Variants in CADPS observed in about 807,000 individuals in gnomAD.
CADPS encodes the protein calcium-dependent secretion activator 1.
A neutral mutation model predicts 167.3 loss-of-function variants in CADPS; 57 were observed. The ratio of observed to expected loss-of-function variants is 0.34; its 90% CI spans 0.28 to 0.42. The LOEUF (loss-of-function observed/expected upper bound fraction) is 0.42, where lower values mean the gene tolerates loss of function less well. Among genes scored for constraint, CADPS ranks in the 20% least tolerant of loss-of-function variants. The pLI is 1.00. For missense variants in CADPS, 1,414 were observed against 1,738.1 expected (o/e 0.81, Z 3.32); for synonymous variants, 676 against 635.3 (o/e 1.06, Z -0.96).
At chr3:62,451,403 T>C (rs2058030359) in intron 26 of CADPS, among the ~76,000 whole-genome samples, 2 of 151,890 alleles carry the variant, frequency 1.3e-5, no homozygotes, top group Admixed American at 6.6e-5. Flanking sequence ...TTTTGCTTCA[T>C]TAGGGGAAAA....
chr3:62,853,166 A>T (rs1353583431), intron 1 of CADPS, among the ~76,000 whole-genome samples: 1 of 152,182 alleles, frequency 6.6e-6, no homozygotes, highest in East Asian at 1.9e-4. Context: ...GATCAATACC[A>T]CTTTTATCAT....
At chr3:62,648,226 G>A (rs199526912) in intron 5 of CADPS, among the ~76,000 whole-genome samples, 3 of 152,184 alleles carry the variant, frequency 2.0e-5, no homozygotes, top group East Asian at 3.9e-4. Context: ...GCAATTCAGT[G>A]TTCTATTTAA....
intron 11 of CADPS, among the ~76,000 whole-genome samples, chr3:62,542,565 C>T (rs906536356): frequency 2.0e-5 from 3 of 152,092 alleles, no homozygotes; most frequent in Admixed American, 6.6e-5. Flanking sequence ...GACTGGTCCT[C>T]ACATGCCTGC....
chr3:62,629,274 G>A (rs915113154), intron 6 of CADPS, among the ~76,000 whole-genome samples: 1 of 152,094 alleles, frequency 6.6e-6, no homozygotes, highest in South Asian at 2.1e-4. Context: ...GTGTCTGTTT[G>A]TAGTCAACCA....
intron 1 of CADPS, among the ~76,000 whole-genome samples, chr3:62,776,435 A>T (rs567034927): frequency 1.3e-5 from 2 of 152,318 alleles, no homozygotes; most frequent in African/African-American, 4.8e-5. Flanking sequence ...CAGGCGGATC[A>T]CGAGGTCAGG....
chr3:62,490,960 T>C (rs540587437), intron 21 of CADPS, among the ~76,000 whole-genome samples: 1 of 152,184 alleles, frequency 6.6e-6, no homozygotes, highest in African/African-American at 2.4e-5. Flanking sequence ...AAAAGTTTGC[T>C]GACCTCCCTG....
intron 1 of CADPS, among the ~76,000 whole-genome samples, chr3:62,807,487 C>G (rs2094161308): frequency 1.3e-5 from 2 of 152,048 alleles, no homozygotes; most frequent in Admixed American, 1.3e-4. Flanking sequence ...GTCTCACACT[C>G]AGGAGTTCAA....
chr3:62,737,625 C>G (rs986862810), intron 3 of CADPS, among the ~76,000 whole-genome samples: 7 of 152,164 alleles, frequency 4.6e-5, no homozygotes, highest in African/African-American at 1.7e-4. Context: ...GGAGTAAATC[C>G]AAGCTCTGAG....
chr3:62,674,100 C>A (rs1161565947), intron 3 of CADPS, among the ~76,000 whole-genome samples: 1 of 152,102 alleles, frequency 6.6e-6, no homozygotes. Flanking sequence ...CCAGCTTCTG[C>A]AATTGTGGCT....
At chr3:62,523,357 T>C (rs1351530119) in intron 13 of CADPS, among the ~76,000 whole-genome samples, 1 of 152,176 alleles carries the variant, frequency 6.6e-6, no homozygotes, top group African/African-American at 2.4e-5. Flanking sequence ...TGTGAAACAT[T>C]TTAATATTTG....
chr3:62,530,260 T>C (rs893676479), intron 13 of CADPS, among the ~76,000 whole-genome samples: 4 of 152,222 alleles, frequency 2.6e-5, no homozygotes, highest in African/African-American at 9.6e-5. Flanking sequence ...GCCTATCTTA[T>C]GCCAATCTAT....
intron 2 of CADPS, among the ~76,000 whole-genome samples, chr3:62,758,765 G>A (rs1243888918): frequency 6.6e-6 from 1 of 152,092 alleles, no homozygotes; most frequent in Non-Finnish European, 1.5e-5. Flanking sequence ...AAATAAATAT[G>A]GAATTGTGAA....
chr3:62,423,528 G>A (rs2051939173), intron 28 of CADPS, among the ~76,000 whole-genome samples: 1 of 152,216 alleles, frequency 6.6e-6, no homozygotes, highest in South Asian at 2.1e-4. Flanking sequence ...TTTGAATAGT[G>A]TAAAGTTTTT....
chr3:62,532,709 A>G (rs934836186), intron 13 of CADPS, among the ~76,000 whole-genome samples, 162 bp downstream of exon 13: 1 of 120,662 alleles, frequency 8.3e-6, no homozygotes, highest in African/African-American at 3.2e-5. Flanking sequence ...GAAGAAAGTT[A>G]GTGCCCTTTG....
chr3:62,704,083 T>A (rs2151622073), intron 3 of CADPS, among the ~76,000 whole-genome samples: 1 of 152,222 alleles, frequency 6.6e-6, no homozygotes, highest in Non-Finnish European at 1.5e-5. Flanking sequence ...GACATAGCAA[T>A]GAATGCGTCA....
intron 28 of CADPS, among the ~76,000 whole-genome samples, chr3:62,426,362 G>A (rs777826762): frequency 6.6e-6 from 1 of 152,142 alleles, no homozygotes; most frequent in Non-Finnish European, 1.5e-5. Context: ...TGTTGGCCAG[G>A]ATGGTCTCAA....
chr3:62,556,753 G>A (rs1458898687), intron 10 of CADPS, among the ~76,000 whole-genome samples: 1 of 151,920 alleles, frequency 6.6e-6, no homozygotes. Flanking sequence ...CTTATGCGGT[G>A]TAGAACTTTT....
At chr3:62,569,160 G>T (rs2080834601) in intron 9 of CADPS, among the ~76,000 whole-genome samples, 2 of 152,096 alleles carry the variant, frequency 1.3e-5, no homozygotes, top group Admixed American at 1.3e-4. Context: ...GAGTGCAATG[G>T]CACAATCTCA....
chr3:62,412,814 A>T lies in CADPS; in HGVS notation c.3778-9629T>A, dbSNP rs896880069. On this transcript the variant is annotated intron_variant, in intron 28 of 29. Coordinates refer to ENST00000383710, the MANE Select transcript of CADPS (RefSeq NM_003716.4). This position sits in a 1 kb window ranked among gnomAD's most constrained non-coding sequence, Gnocchi z 4.1. ...GGGAGTTTAATCCAAAGCTTAGCTT[A>T]TATGAACTATCTAGGGGTCTCTCTC... Among the ~76,000 whole-genome samples the T allele has an allele frequency of 2.6e-5, 4 of 152,198 alleles. No individual in the cohort carries two copies. Among genetic ancestry groups the T allele is most frequent in the African/African-American group, 9.7e-5 (4 of 41,444 alleles).
Sources: allele counts gnomAD v4.1 joint callset (sites outside exome capture counted in the v4.1 genomes callset), GRCh38; gene constraint gnomAD v4.1.1; non-coding constraint Gnocchi (gnomAD v3.1); transcripts MANE v1.5; gene names NCBI Gene and HGNC (gene_info 2026-07-23, HGNC 2026-07-21).